CCSER2: variants seen among roughly 807,000 people sequenced by gnomAD.
CCSER2 encodes the protein coiled-coil serine rich protein 2, also known as serine-rich coiled-coil domain-containing protein 2.
CCSER2 carries 46 observed loss-of-function variants against 92.3 expected under a neutral mutation model. That is an observed-to-expected ratio of 0.50 (90% CI 0.39 to 0.64). The LOEUF is 0.64. Ranked by LOEUF, CCSER2 falls within the 30% of genes least tolerant of loss-of-function variation. The pLI is 0.00. For missense variants in CCSER2, 1,244 were observed against 1,238.9 expected (o/e 1.00, Z -0.06); for synonymous variants, 433 against 431.4 (o/e 1.00, Z -0.04).
chr10:84,462,192 G>C (rs921527924), intron 6 of CCSER2, among the ~76,000 whole-genome samples: 2 of 152,170 alleles, frequency 1.3e-5, no homozygotes, highest in African/African-American at 4.8e-5. Flanking sequence ...GCTTTATGGA[G>C]CTACTTTACT....
intron 1 of CCSER2, among the ~76,000 whole-genome samples, chr10:84,359,086 AC>A (rs1418261122): frequency 6.6e-6 from 1 of 152,040 alleles, no homozygotes; most frequent in East Asian, 1.9e-4. Flanking sequence ...ATGACTCAAG[AC>A]CAGGAATATC....
chr10:84,363,541 T>C (rs1390377307), intron 1 of CCSER2, among the ~76,000 whole-genome samples: 1 of 152,190 alleles, frequency 6.6e-6, no homozygotes, highest in Non-Finnish European at 1.5e-5. Context: ...TTTATGTCTG[T>C]TTAAACCCCT....
intron 9 of CCSER2, among the ~76,000 whole-genome samples, chr10:84,495,709 A>G (rs1848409474): frequency 6.7e-6 from 1 of 149,230 alleles, no homozygotes; most frequent in African/African-American, 2.5e-5. Flanking sequence ...GTCTCTTTCT[A>G]TATGTGGGTA....
intron 1 of CCSER2, among the ~76,000 whole-genome samples, chr10:84,349,068 C>T (rs536605101): frequency 3.9e-5 from 6 of 151,932 alleles, no homozygotes; most frequent in African/African-American, 1.4e-4. Context: ...TTTCAATTGG[C>T]CCAGTCACCT....
chr10:84,441,246 G>A (rs1376802917), intron 6 of CCSER2, among the ~76,000 whole-genome samples: 1 of 151,912 alleles, frequency 6.6e-6, no homozygotes, highest in South Asian at 2.1e-4. Flanking sequence ...GTTTGGTTAT[G>A]TTTCCTGGTA....
At chr10:84,378,592 G>A (rs1190178935) in intron 3 of CCSER2, among the ~76,000 whole-genome samples, 2 of 151,774 alleles carry the variant, frequency 1.3e-5, no homozygotes, top group South Asian at 2.1e-4. Context: ...CTGCCATCAC[G>A]CCTGGCTAAA....
intron 9 of CCSER2, among the ~76,000 whole-genome samples, chr10:84,496,885 A>G (rs1848483566): frequency 6.6e-6 from 1 of 152,082 alleles, no homozygotes; most frequent in Non-Finnish European, 1.5e-5. Flanking sequence ...ATTGTGTTTT[A>G]TATATAGTGC....
At chr10:84,428,110 T>C (rs1362676395) in intron 5 of CCSER2, among the ~76,000 whole-genome samples, 1 of 152,192 alleles carries the variant, frequency 6.6e-6, no homozygotes, top group Non-Finnish European at 1.5e-5. Context: ...GCAGTGTTCA[T>C]GTACATGAGT....
At chr10:84,356,655 A>G (rs952394078) in intron 1 of CCSER2, among the ~76,000 whole-genome samples, 24 of 152,346 alleles carry the variant, frequency 1.6e-4, no homozygotes, top group African/African-American at 5.8e-4. Context: ...GAAGGAAGCT[A>G]TCAGGGAAGA....
At chr10:84,403,638 C>T (rs1842232628) in intron 3 of CCSER2, among the ~76,000 whole-genome samples, 1 of 152,066 alleles carries the variant, frequency 6.6e-6, no homozygotes, top group East Asian at 1.9e-4. Flanking sequence ...TGACATTTCA[C>T]CAAAGAGGAG....
chr10:84,332,434 ATAT>A (rs1374027330), intron 1 of CCSER2, among the ~76,000 whole-genome samples: 10 of 66,072 alleles, frequency 1.5e-4, no homozygotes, highest in African/African-American at 5.9e-4. Flanking sequence ...ATATATATAT[ATAT>A]TTTTTTTTTT....
At chr10:84,448,237 C>G (rs958144575) in intron 6 of CCSER2, among the ~76,000 whole-genome samples, 8 of 152,160 alleles carry the variant, frequency 5.3e-5, no homozygotes, top group African/African-American at 1.4e-4. Context: ...CTCTGGCAGT[C>G]TTTGCCAGGC....
chr10:84,358,179 G>A (rs1300002334), intron 1 of CCSER2, among the ~76,000 whole-genome samples: 1 of 152,188 alleles, frequency 6.6e-6, no homozygotes, highest in African/African-American at 2.4e-5. Flanking sequence ...TTGTATAGTT[G>A]CCGTTGAGAA....
intron 3 of CCSER2, among the ~76,000 whole-genome samples, chr10:84,397,409 G>A (rs1841902759): frequency 6.6e-6 from 1 of 152,124 alleles, no homozygotes; most frequent in Admixed American, 6.5e-5. Context: ...GGTTAAATGG[G>A]CACTGATGGA....
intron 4 of CCSER2, among the ~76,000 whole-genome samples, chr10:84,423,231 A>G (rs1351154354): frequency 1.3e-5 from 2 of 152,254 alleles, no homozygotes; most frequent in African/African-American, 4.8e-5. Flanking sequence ...TTAAAAATAT[A>G]TAAACACGTG....
chr10:84,387,354 G>T (rs529448605), intron 3 of CCSER2, among the ~76,000 whole-genome samples: 1 of 152,044 alleles, frequency 6.6e-6, no homozygotes, highest in African/African-American at 2.4e-5. Context: ...TCATCTTTCT[G>T]TGCTGTGATA....
chr10:84,357,739 C>G (rs1473172819), intron 1 of CCSER2, among the ~76,000 whole-genome samples: 2 of 152,102 alleles, frequency 1.3e-5, no homozygotes, highest in Non-Finnish European at 2.9e-5. Flanking sequence ...CGTGAGCCAC[C>G]GCGCTCGGCC....
chr10:84,485,972 C>T (rs201591511), intron 9 of CCSER2, among the ~76,000 whole-genome samples: 2 of 152,248 alleles, frequency 1.3e-5, no homozygotes, highest in East Asian at 3.9e-4. Context: ...CAATTCCCAT[C>T]TATGAGTGAG....
At position 84,381,757 on chromosome 10, in the gene CCSER2, G is replaced by A. The variant is rs189064551; in HGVS notation, c.1614+7942G>A. ...AGCCTGACCAATACAGTGAAATCCC[G>A]TCTCTACTAAAAATACAAAAATAAG... On this transcript the variant is annotated intron_variant, in intron 3 of 9. Transcript: ENST00000372088. Among the ~76,000 whole-genome samples the A allele has an allele frequency of 3.1e-3, 472 of 151,906 alleles. 1 individual carries two copies. The highest frequency in any genetic ancestry group is 9.9e-3 in the African/African-American group (410 of 41,424).
Sources: gnomAD v4.1 joint callset for allele counts (sites outside exome capture counted in the v4.1 genomes callset) on GRCh38, gnomAD v4.1.1 for gene constraint, MANE v1.5 for transcripts, NCBI Gene and HGNC (gene_info 2026-07-23, HGNC 2026-07-21) for gene names.